Variants in KRT72 observed in about 807,000 individuals in gnomAD.
The protein encoded by KRT72 is keratin 72, also known as keratin, type II cytoskeletal 72.
KRT72 carries 44 observed loss-of-function variants against 44.7 expected under a neutral mutation model. That is an observed-to-expected ratio of 0.98 (90% confidence interval 0.77 to 1.27). The LOEUF (loss-of-function observed/expected upper bound fraction) is 1.27. Among genes scored for constraint, KRT72 ranks in the 50% most tolerant of loss-of-function variants. The probability of loss-of-function intolerance (pLI) is 0.00; values close to 1 mark genes in which losing one functional copy is unlikely to be tolerated. For synonymous variants in KRT72, 302 were observed against 280.4 expected, an observed-to-expected ratio of 1.08 and a Z score of -0.77; for missense variants, 736 against 667.1, an observed-to-expected ratio of 1.10 and a Z score of -1.14.
intron 6 of KRT72, among the ~76,000 whole-genome samples, chr12:52,588,173 T>C (rs1481687196): frequency 6.6e-6 from 1 of 152,258 alleles, no homozygotes; most frequent in Non-Finnish European, 1.5e-5. Flanking sequence ...AAGATTCTTA[T>C]GTCAACTCTG....
chr12:52,598,757 C>A (rs1940305115), intron 2 of KRT72, 141 bp downstream of exon 2: 2 of 696,198 alleles, frequency 2.9e-6, no homozygotes, highest in African/African-American at 1.8e-5. Flanking sequence ...TAGATCTATT[C>A]TTTTCCTAGT....
chr12:52,586,186 G>T lies in KRT72; in HGVS notation c.1346-14C>A. The T allele has an allele frequency of 6.2e-7, 1 of 1,608,034 alleles. No homozygotes were observed. Among genetic ancestry groups the T allele is most frequent in the South Asian group, 1.1e-5 (1 of 90,754 alleles). ...TGCTGATGACGGCTGGAATGGATGAGAGAAGACCTCAGCCCCCGTCAGCTC... is the reference window on the plus strand; with the variant it reads ...TGCTGATGACGGCTGGAATGGATGATAGAAGACCTCAGCCCCCGTCAGCTC... On this transcript the variant is annotated splice_polypyrimidine_tract_variant and intron_variant, in intron 8 of 8. Coordinates refer to ENST00000293745, the MANE Select transcript of KRT72 (RefSeq NM_080747.3).
chr12:52,589,566 G>A (rs953958354), intron 6 of KRT72, among the ~76,000 whole-genome samples: 3 of 152,182 alleles, frequency 2.0e-5, no homozygotes, highest in African/African-American at 7.2e-5. Flanking sequence ...GAGAGGACTT[G>A]AAATTTTAGC....
chr12:52,602,890 C>T (rs138852165), upstream of KRT72, among the ~76,000 whole-genome samples: 7 of 152,268 alleles, frequency 4.6e-5, no homozygotes, highest in South Asian at 1.0e-3. Flanking sequence ...GTTTACTCCA[C>T]GGGGAACAAA....
At position 52,599,097 on chromosome 12, in the gene KRT72, G is replaced by T; in HGVS notation, c.442C>A (p.Gln148Lys). 1 of 1,614,118 alleles carries T rather than the reference G, an allele frequency of 6.2e-7. No individual in the cohort carries two copies. ...TTGGTCTCTAGCACCTGATTCTGCT[G>T]CTCCAGGAACCGCACCTGGAACCCA... The part of the protein sequence containing the change: ...SFIDKVRFLE[Q>K]QNQVLETKWN... The change falls in exon 2 of 9, where the codon CAG (glutamine) becomes AAG (lysine). Residue 148 changes from glutamine (Q) to lysine (K), a missense_variant. Physicochemically the swap from Gln to Lys is moderately conservative, Grantham distance 53. Coordinates refer to ENST00000293745, the MANE Select transcript of KRT72 (RefSeq NM_080747.3).
At chr12:52,599,167 G>T (rs1592233774) in intron 1 of KRT72, 55 bp from the exon 2 acceptor site, 3 of 1,567,740 alleles carry the variant, frequency 1.9e-6, no homozygotes, top group Non-Finnish European at 1.8e-6. Context: ...CCTCTCAAGA[G>T]TGGGGAAAGG....
At position 52,601,426 on chromosome 12, in the gene KRT72, G is replaced by C; in HGVS notation, c.27C>G (p.Pro9=). The C allele has an allele frequency of 6.5e-7, 1 of 1,539,050 alleles. No individual in the cohort carries two copies. Among genetic ancestry groups the C allele is most frequent in the South Asian group, 1.2e-5 (1 of 84,064 alleles). The change falls in exon 1 of 9, where the codon CCC becomes CCG. Residue 9 remains proline (P), a synonymous_variant. Coordinates refer to ENST00000293745, the MANE Select transcript of KRT72 (RefSeq NM_080747.3). The part of the protein sequence containing the change: MSRQLTHF[P]RGERLGFSGC... ...CGCTGAAGCCCAGGCGCTCCCCGCG[G>C]GGGAAATGGGTCAGTTGGCGGCTCA...
rs759862934 is a variant in KRT72 at position 52,599,061 on chromosome 12, G to A, written c.478C>T (p.Leu160=). The A allele has an allele frequency of 1.2e-6, 2 of 1,614,146 alleles. No homozygotes were observed. Among genetic ancestry groups the A allele is most frequent in the Non-Finnish European group, 1.7e-6 (2 of 1,180,006 alleles). The change falls in exon 2 of 9, where the codon CTA becomes TTA. Residue 160 remains leucine, a synonymous_variant. Coordinates refer to ENST00000293745, the MANE Select transcript of KRT72 (RefSeq NM_080747.3). ...CAGTTGTTCAAGTCCAGCTGCTGTA[G>A]GAGGTTCCACTTGGTCTCTAGCACC... is the stretch of plus-strand genomic sequence containing the variant. ...NQVLETKWNL[L]QQLDLNNCRK...
chr12:52,587,598 C>CT, intron 7 of KRT72, 33 bp downstream of exon 7: 1 of 1,610,398 alleles, frequency 6.2e-7, no homozygotes, highest in Non-Finnish European at 8.5e-7. Flanking sequence ...AGAGAGAAAA[C>CT]TGGTCCCGAC....
chr12:52,601,952 C>T (rs914485704), upstream of KRT72, among the ~76,000 whole-genome samples: 1 of 152,204 alleles, frequency 6.6e-6, no homozygotes, highest in South Asian at 2.1e-4. Flanking sequence ...CCTCCTCCTG[C>T]CTCCCAGGCT....
chr12:52,600,942 C>T, intron 1 of KRT72, 85 bp downstream of exon 1: 2 of 1,477,236 alleles, frequency 1.4e-6, no homozygotes, highest in Admixed American at 2.1e-5. Context: ...CCCGCCCACG[C>T]TCCCACACAG....
Position 52,594,376 on chromosome 12 carries a change from T to C in KRT72, c.642-1424A>G, listed in dbSNP as rs565060353. ...AATCAACCCAAATGTCCATCAGTGA[T>C]AGACTGGATTAAGAAAATGCGGCAC... is the stretch of plus-strand genomic sequence containing the variant. On this transcript the variant is annotated intron_variant, in intron 2 of 8. Coordinates refer to ENST00000293745, the MANE Select transcript of KRT72 (RefSeq NM_080747.3). Among the ~76,000 whole-genome samples the C allele has an allele frequency of 1.0e-3, 157 of 152,202 alleles. No homozygotes were observed. In the Middle Eastern group the frequency reaches 0.017, roughly 16 times the overall value.
At position 52,587,716 on chromosome 12, in the gene KRT72, C is replaced by T; in HGVS notation, c.1225G>A (p.Glu409Lys). Residue 409 changes from glutamate to lysine, a missense_variant, in exon 7 of 9, where the codon GAG becomes AAG. Glu to Lys is a moderately conservative substitution (Grantham distance 56, BLOSUM62 1). Transcript: ENST00000293745. Reference sequence around the variant, plus strand: ...TTCAGGCTCACGAGCTCCTGGTACTCACGCAGCATCCGTGCCAGCTCCTCC... The same window carrying T: ...TTCAGGCTCACGAGCTCCTGGTACTTACGCAGCATCCGTGCCAGCTCCTCC... ...AKEELARMLR[E>K]YQELVSLKLA... 2 of 1,614,214 alleles carry T rather than the reference C, an allele frequency of 1.2e-6. No homozygotes were observed. The highest frequency in any genetic ancestry group is 1.3e-5 in the African/African-American group (1 of 75,070).
chr12:52,587,600 G>A, intron 7 of KRT72, 31 bp downstream of exon 7: 1 of 1,610,314 alleles, frequency 6.2e-7, no homozygotes, highest in South Asian at 1.1e-5. Flanking sequence ...AGAGAAAACT[G>A]GTCCCGACAC....
In KRT72 at chr12:52,590,932, C is replaced by CTGGCCTGCTG; in HGVS notation, c.983_992dup (p.Gln331HisfsTer8). 1 of 1,603,706 alleles carries CTGGCCTGCTG rather than the reference C, an allele frequency of 6.2e-7. No homozygotes were observed. ...TGGTGAGCTTGAGGTCATCCCCATG[C>CTGGCCTGCTG]TGGCCTGCTGTGACCTGCAGCTCCT... On this transcript the variant is annotated frameshift_variant, in exon 6 of 9. Transcript: ENST00000293745. LOFTEE classifies it high-confidence loss of function.
intron 2 of KRT72, among the ~76,000 whole-genome samples, chr12:52,597,101 C>T (rs1354958835): frequency 6.6e-6 from 1 of 152,134 alleles, no homozygotes; most frequent in Admixed American, 6.5e-5. Flanking sequence ...AGTGATGTGG[C>T]TATTACAATT....
At chr12:52,591,151 T>C (rs1177304526) in intron 5 of KRT72, among the ~76,000 whole-genome samples, 190 bp from the exon 6 acceptor site, 1 of 152,194 alleles carries the variant, frequency 6.6e-6, no homozygotes, top group Non-Finnish European at 1.5e-5. Flanking sequence ...GATAAGACAA[T>C]ATATGTGAAT....
At chr12:52,586,908 G>A (rs780545138) in intron 8 of KRT72, 38 bp downstream of exon 8, 3 of 1,600,266 alleles carry the variant, frequency 1.9e-6, no homozygotes, top group Non-Finnish European at 2.6e-6. Flanking sequence ...CTTCTGGTAA[G>A]GTGACCAAGG....
Position 52,599,203 on chromosome 12 carries a change from C to G in KRT72, c.427-91G>C, listed in dbSNP as rs189625299. ...GCCCCAAAAACCAGAGGCAGCCATC[C>G]TGGGGGACTGGGGGTAGGAGAAAAC... is the stretch of plus-strand genomic sequence containing the variant. On this transcript the variant is annotated intron_variant, in intron 1 of 8. Coordinates refer to ENST00000293745, the MANE Select transcript of KRT72 (RefSeq NM_080747.3). The G allele has an allele frequency of 1.8e-4, 212 of 1,165,212 alleles. 1 individual carries two copies. In the East Asian group the frequency reaches 4.8e-3, roughly 26 times the overall value. The allele number at this position is 1,165,212 out of a possible 1,614,324, so 72.2% of individuals were successfully genotyped here. A position where few individuals can be genotyped will look rare whatever the true frequency, so the allele number is the denominator to read the frequency against.
Sources: gnomAD v4.1 joint callset for allele counts (sites outside exome capture counted in the v4.1 genomes callset) on GRCh38, gnomAD v4.1.1 for gene constraint, MANE v1.5 for transcripts, NCBI Gene and HGNC (gene_info 2026-07-23, HGNC 2026-07-21) for gene names.